Variants in COPS4 observed in about 807,000 individuals in gnomAD.
The protein encoded by COPS4 is COP9 signalosome subunit 4.
Under a neutral mutation model 55.1 loss-of-function variants are expected in COPS4, and 8 were observed. The observed-to-expected ratio is 0.15, with a 90% CI of 0.09 to 0.26. The LOEUF (loss-of-function observed/expected upper bound fraction) is 0.26. Ranked by LOEUF, COPS4 falls within the 10% of genes least tolerant of loss-of-function variation. The pLI, the probability that COPS4 is intolerant of heterozygous loss-of-function variation, is 1.00. For synonymous variants in COPS4, 185 were observed against 165.7 expected (o/e 1.12, Z -0.90); for missense variants, 248 against 484.0 (o/e 0.51, Z 4.58).
chr4:83,050,063 G>A (rs906593107), intron 4 of COPS4, 79 bp downstream of exon 4: 1 of 822,122 alleles, frequency 1.2e-6, no homozygotes, highest in Non-Finnish European at 1.9e-6. Context: ...TTACATTCTA[G>A]TACAGGAAAC....
chr4:83,045,354 ATTCT>A (rs560098302), intron 1 of COPS4, among the ~76,000 whole-genome samples: 42 of 152,352 alleles, frequency 2.8e-4, no homozygotes, highest in African/African-American at 8.9e-4. Flanking sequence ...TTATAGATTC[ATTCT>A]TTCTTGTGAT....
chr4:83,057,202 T>A (rs2126131697), intron 5 of COPS4, 56 bp from the exon 6 acceptor site: 3 of 1,538,656 alleles, frequency 1.9e-6, no homozygotes, highest in Middle Eastern at 3.5e-4. Flanking sequence ...TGTTTTGTTT[T>A]GTTTAACTCT....
chr4:83,041,856 T>C (rs1730576411), intron 1 of COPS4, among the ~76,000 whole-genome samples: 1 of 152,022 alleles, frequency 6.6e-6, no homozygotes, highest in South Asian at 2.1e-4. Context: ...TTTGTATTAT[T>C]GTAATTTAAT....
In COPS4 at chr4:83,075,534, CT is replaced by C; in HGVS notation, c.*108del. On this transcript the variant is annotated 3_prime_UTR_variant, in exon 10 of 10. Coordinates refer to ENST00000264389, the MANE Select transcript of COPS4 (RefSeq NM_016129.3). ...ATCATGACCTTATACATTTCAATCC[CT>C]TTTATGCTGGATTCCGTTTAAAGAA... 7.8e-7 allele frequency: 1 copy of C among 1,285,776 alleles called. No individual in the cohort carries two copies. Among genetic ancestry groups the C allele is most frequent in the Non-Finnish European group, 1.1e-6 (1 of 931,856 alleles). 79.6% of individuals were successfully genotyped at this position (1,285,776 alleles called of 1,614,324 possible). A position where few individuals can be genotyped will look rare whatever the true frequency, so the allele number is the denominator to read the frequency against.
intron 2 of COPS4, among the ~76,000 whole-genome samples, chr4:83,047,149 T>C (rs2126128983): frequency 6.6e-6 from 1 of 152,314 alleles, no homozygotes; most frequent in East Asian, 1.9e-4. Context: ...TGGCCTCCGG[T>C]GTGAGATAAA....
intron 6 of COPS4, among the ~76,000 whole-genome samples, chr4:83,058,210 G>A (rs556691823): frequency 1.4e-3 from 210 of 152,160 alleles, no homozygotes; most frequent in African/African-American, 4.8e-3. Context: ...TGGGTATTAA[G>A]AGGAAATGCT....
intron 1 of COPS4, among the ~76,000 whole-genome samples, chr4:83,038,864 C>T (rs557113880): frequency 1.2e-3 from 183 of 152,180 alleles, no homozygotes; most frequent in Non-Finnish European, 2.0e-3. Context: ...AGGATGGTCT[C>T]GATCTTTTGA....
Position 83,042,320 on chromosome 4 carries a change from A to G in COPS4, c.75-3306A>G, listed in dbSNP as rs1284559128. On this transcript the variant is annotated intron_variant, in intron 1 of 9. Coordinates refer to ENST00000264389, the MANE Select transcript of COPS4 (RefSeq NM_016129.3). ...GCATCTTAAAATGCCTAAGGACTCA[A>G]TTAACACCTTGGGGTGATTTTATAT... Among the ~76,000 whole-genome samples, 7 of 152,326 alleles carry G rather than the reference A, an allele frequency of 4.6e-5. No homozygotes were observed. In the East Asian group the frequency reaches 1.2e-3, roughly 25 times the overall value.
intron 1 of COPS4, among the ~76,000 whole-genome samples, chr4:83,040,760 CTTTTTT>C (rs34207990): frequency 1.2e-5 from 1 of 84,888 alleles, no homozygotes; most frequent in Non-Finnish European, 2.4e-5. Flanking sequence ...TTTATGTTGG[CTTTTTT>C]TTTTTTTTTT....
At chr4:83,039,194 A>T (rs1009107145) in intron 1 of COPS4, among the ~76,000 whole-genome samples, 1 of 152,020 alleles carries the variant, frequency 6.6e-6, no homozygotes, top group Non-Finnish European at 1.5e-5. Flanking sequence ...ATGTGGGTCT[A>T]TAGTTAGCTG....
chr4:83,036,272 C>A (rs1415490677), intron 1 of COPS4, among the ~76,000 whole-genome samples: 1 of 151,086 alleles, frequency 6.6e-6, no homozygotes, highest in Non-Finnish European at 1.5e-5. Flanking sequence ...CCCCCCCCGC[C>A]GCCACCCGTC....
Position 83,056,995 on chromosome 4 carries a change from T to C in COPS4, c.480T>C (p.Asp160=). Residue 160 remains aspartate (D), a synonymous_variant, in exon 5 of 10, where the codon GAT becomes GAC. Coordinates refer to ENST00000264389, the MANE Select transcript of COPS4 (RefSeq NM_016129.3). ...KIARLYLEDD[D]PVQAEAYINR... ...CTAGGCTATATCTGGAGGATGATGA[T>C]CCAGTCCAGGCAGAGGCTTACATAA... is the stretch of plus-strand genomic sequence containing the variant. 6.2e-7 allele frequency: 1 copy of C among 1,613,714 alleles called. No homozygotes were observed. The highest frequency in any genetic ancestry group is 8.5e-7 in the Non-Finnish European group (1 of 1,179,630).
chr4:83,045,932 A>G (rs371193385), intron 2 of COPS4, among the ~76,000 whole-genome samples: 1 of 152,316 alleles, frequency 6.6e-6, no homozygotes, highest in African/African-American at 2.4e-5. Flanking sequence ...CTGATAAGGG[A>G]CAATATAGCA....
At chr4:83,071,826 C>T (rs1330438638) in intron 9 of COPS4, among the ~76,000 whole-genome samples, 1 of 151,968 alleles carries the variant, frequency 6.6e-6, no homozygotes, top group Non-Finnish European at 1.5e-5. Context: ...ATTCCCCTGC[C>T]TCAGCCTCCT....
chr4:83,056,567 G>A (rs1055396940), intron 4 of COPS4, among the ~76,000 whole-genome samples: 1 of 152,202 alleles, frequency 6.6e-6, no homozygotes, highest in African/African-American at 2.4e-5. Context: ...GGGAGGCCGA[G>A]GCGGGTGGAT....
intron 2 of COPS4, among the ~76,000 whole-genome samples, chr4:83,048,000 C>CA (rs35915211): frequency 1.5e-3 from 116 of 77,656 alleles, no homozygotes; most frequent in East Asian, 0.01. Flanking sequence ...GACTCAGTCT[C>CA]AAAAAAAAAA....
intron 4 of COPS4, among the ~76,000 whole-genome samples, chr4:83,054,855 G>A (rs1046120151): frequency 1.3e-5 from 2 of 152,140 alleles, no homozygotes; most frequent in Non-Finnish European, 2.9e-5. Context: ...TGTAGACTTT[G>A]GATAAATGGG....
chr4:83,035,374 A>G, intron 1 of COPS4, 76 bp downstream of exon 1: 2 of 1,255,312 alleles, frequency 1.6e-6, no homozygotes, highest in Non-Finnish European at 2.2e-6. Flanking sequence ...TAGGTTGGCC[A>G]CGGCTCTTGG....
In COPS4 at chr4:83,060,246, C is replaced by G. The variant is rs550916954; in HGVS notation, c.716-2830C>G. ...TCGCCCAGGCTGGAGTGCAGTGGCACTATCTCGGCTCACTGCAAGCTCCGC... is the reference window on the plus strand; with the variant it reads ...TCGCCCAGGCTGGAGTGCAGTGGCAGTATCTCGGCTCACTGCAAGCTCCGC... On this transcript the variant is annotated intron_variant, in intron 6 of 9. Coordinates refer to ENST00000264389, the MANE Select transcript of COPS4 (RefSeq NM_016129.3). 2.7e-5 allele frequency among the ~76,000 whole-genome samples: 4 copies of G among 149,816 alleles called. No homozygotes were observed. In the South Asian group the frequency reaches 8.5e-4, roughly 32 times the overall value.
Sources: gnomAD v4.1 joint callset for allele counts (sites outside exome capture counted in the v4.1 genomes callset) on GRCh38, gnomAD v4.1.1 for gene constraint, MANE v1.5 for transcripts, NCBI Gene and HGNC (gene_info 2026-07-23, HGNC 2026-07-21) for gene names.